The following RBM33 variants were observed in gnomAD, a reference collection of about 807,000 sequenced individuals.
RBM33 encodes RNA binding motif protein 33.
In RBM33, 28 loss-of-function variants were observed where a neutral mutation model predicts 132.6. That is an observed-to-expected ratio of 0.21 (90% CI 0.16 to 0.29). The LOEUF (loss-of-function observed/expected upper bound fraction) is 0.29. Among genes scored for constraint, RBM33 ranks in the 10% least tolerant of loss-of-function variants. The pLI is 1.00. For synonymous variants in RBM33, 634 were observed against 593.0 expected (o/e 1.07, Z -1.01); for missense variants, 1,291 against 1,518.5 (o/e 0.85, Z 2.49).
rs1686018150 is a variant in RBM33, at chr7:155,644,886, G to A, written c.10G>A (p.Ala4Thr). 5 of 1,493,942 alleles carry A rather than the reference G, an allele frequency of 3.3e-6. No individual in the cohort carries two copies. Among genetic ancestry groups the A allele is most frequent in the South Asian group, 2.5e-5 (2 of 80,170 alleles). 92.5% of individuals were successfully genotyped at this position (1,493,942 alleles called of 1,614,324 possible). The change falls in exon 1 of 18, where the codon GCC (alanine) becomes ACC (threonine). Residue 4 changes from alanine to threonine, a missense_variant. Ala to Thr is a moderately conservative substitution (Grantham distance 58). This residue lies in a region of RBM33 where 194 missense variants were observed against 249.8 expected (regional missense o/e 0.78). Coordinates refer to ENST00000401878, the MANE Select transcript of RBM33 (RefSeq NM_053043.3). ...GGGCCCCGCGAGTGCCATGGCGGCC[G>A]CCCTGGGAGCGAGCGGAGGAGCAGG... MAA[A>T]LGASGGAGAG...
At chr7:155,752,113 GCCA>G (rs1208019697) in intron 14 of RBM33, among the ~76,000 whole-genome samples, 1 of 152,172 alleles carries the variant, frequency 6.6e-6, no homozygotes, top group Middle Eastern at 3.2e-3. Flanking sequence ...TTGATTTGTT[GCCA>G]TTACTCTTGG....
Position 155,774,991 on chromosome 7 carries a change from A to G in RBM33, c.3465-2A>G. ...GTCGATCGTTTCTTTAAATTTTCAC[A>G]GGCATATGATAGATTTGTCCCACAT... On this transcript the variant is annotated splice_acceptor_variant, in intron 17 of 17. Coordinates refer to ENST00000401878, the MANE Select transcript of RBM33 (RefSeq NM_053043.3). LOFTEE classifies it high-confidence loss of function. This position sits in a 1 kb window ranked among gnomAD's most constrained non-coding sequence, Gnocchi z 4.2. The G allele has an allele frequency of 6.2e-7, 1 of 1,613,570 alleles. No individual in the cohort carries two copies. The highest frequency in any genetic ancestry group is 8.5e-7 in the Non-Finnish European group (1 of 1,179,560).
rs1802554287 is a variant in RBM33 at position 155,774,947 on chromosome 7, G to A, written c.3465-46G>A. The A allele has an allele frequency of 6.3e-7, 1 of 1,584,648 alleles. No homozygotes were observed. On this transcript the variant is annotated intron_variant, in intron 17 of 17. Transcript: ENST00000401878. The surrounding 1 kb of genome is among the most constrained non-coding windows in gnomAD (Gnocchi z 4.2). ...TTCCTCCCACCTTGGTAGGTTGATT[G>A]CCGATGTGCAGGGTTAGTGTCGATC...
At chr7:155,670,038 G>T (rs1563135710) in intron 2 of RBM33, among the ~76,000 whole-genome samples, 1 of 152,206 alleles carries the variant, frequency 6.6e-6, no homozygotes, top group Non-Finnish European at 1.5e-5. Context: ...ACTTACAGTG[G>T]TCAAGTTCAC....
chr7:155,707,059 T>C lies in RBM33; in HGVS notation c.939T>C (p.Pro313=), dbSNP rs746498941. ...GACCTGCGCTGCTTCCTACACAGCC[T>C]CCTGTCGTGGTAACTTCAGATTTTC... is the stretch of plus-strand genomic sequence containing the variant. ...DHRPALLPTQ[P]PVVPQAPPPP... Residue 313 remains proline (P), a synonymous_variant, in exon 7 of 18, where the codon CCT becomes CCC. Transcript: ENST00000401878. 3.9e-6 allele frequency: 6 copies of C among 1,544,736 alleles called. No homozygotes were observed. The South Asian group carries it at 7.2e-5, about 18-fold the overall frequency.
Position 155,738,272 on chromosome 7 carries a change from G to T in RBM33, c.1606G>T (p.Gly536Cys), listed in dbSNP as rs1486444904. The T allele has an allele frequency of 6.2e-7, 1 of 1,613,846 alleles. No individual in the cohort carries two copies. The highest frequency in any genetic ancestry group is 8.5e-7 in the Non-Finnish European group (1 of 1,179,894). Reference sequence around the variant, plus strand: ...CGTACGACCAGCCTTGCAGCCTCCAGGTCCGGTGGGGATTCTGCACTTTAG... The same window carrying T: ...CGTACGACCAGCCTTGCAGCCTCCATGTCCGGTGGGGATTCTGCACTTTAG... ...RPVRPALQPP[G>C]PVGILHFSQP... Residue 536 changes from glycine (G) to cysteine (C), a missense_variant, in exon 11 of 18, where the codon GGT (glycine) becomes TGT (cysteine). Gly to Cys is a radical substitution (Grantham distance 159, BLOSUM62 -3). Around this residue, in one of 7 missense-constraint regions of RBM33, gnomAD observed 841 missense variants for 912.0 expected, o/e 0.92. Coordinates refer to ENST00000401878, the MANE Select transcript of RBM33 (RefSeq NM_053043.3).
chr7:155,740,145 G>A (rs1801283108), intron 12 of RBM33, 119 bp downstream of exon 12: 4 of 1,336,498 alleles, frequency 3.0e-6, no homozygotes, highest in Non-Finnish European at 3.9e-6. Flanking sequence ...TTTATAAAAT[G>A]TGTAGTACAT....
At chr7:155,693,049 C>G (rs1157531425) in intron 5 of RBM33, among the ~76,000 whole-genome samples, 3 of 151,994 alleles carry the variant, frequency 2.0e-5, no homozygotes, top group African/African-American at 7.3e-5. Context: ...CCCCCTGTAA[C>G]TGCAAATCTA....
At chr7:155,727,266 C>T (rs1800820324) in intron 9 of RBM33, among the ~76,000 whole-genome samples, 1 of 152,134 alleles carries the variant, frequency 6.6e-6, no homozygotes, top group South Asian at 2.1e-4. Context: ...AGGGAGCTCC[C>T]CCCACCCATC....
intron 6 of RBM33, 115 bp downstream of exon 6, chr7:155,701,059 G>A (rs770756023): frequency 1.8e-5 from 16 of 881,770 alleles, no homozygotes; most frequent in South Asian, 8.6e-5. Flanking sequence ...TGCGGCTGCC[G>A]TCCGGAGAGT....
chr7:155,726,083 TGA>T (rs1196060090), intron 9 of RBM33, among the ~76,000 whole-genome samples: 7 of 152,218 alleles, frequency 4.6e-5, no homozygotes, highest in African/African-American at 1.7e-4. Flanking sequence ...CAGAATTAAC[TGA>T]GAGGTGTTCT....
At position 155,778,967 on chromosome 7, in the gene RBM33, CT is replaced by C. The variant is rs1439125609; in HGVS notation, c.*3927del. 6.6e-6 allele frequency: 1 copy of C among 152,472 alleles called. No homozygotes were observed. The highest frequency in any genetic ancestry group is 1.5e-5 in the Non-Finnish European group (1 of 68,100). The allele number at this position is 152,472 out of a possible 1,614,324, so 9.4% of individuals were successfully genotyped here. ...CTCTCTAGTCCCTGCGGCTGTTCCCCTCCTCTGCTCTCTCCCTGGAGAGGAC... is the reference window on the plus strand; with the variant it reads ...CTCTCTAGTCCCTGCGGCTGTTCCCCCCTCTGCTCTCTCCCTGGAGAGGAC... On this transcript the variant is annotated 3_prime_UTR_variant, in exon 18 of 18. Coordinates refer to ENST00000401878, the MANE Select transcript of RBM33 (RefSeq NM_053043.3). The surrounding 1 kb of genome is among the most constrained non-coding windows in gnomAD (Gnocchi z 4.0).
Position 155,700,958 on chromosome 7 carries a change from C to T in RBM33, c.739+14C>T, listed in dbSNP as rs572668009. On this transcript the variant is annotated intron_variant, in intron 6 of 17. Transcript: ENST00000401878. ...CAGAAACTTTGGGTAACTTTTTTGCCTGTCTCCCATCCTCCTTTACTCTCA... is the reference window on the plus strand; with the variant it reads ...CAGAAACTTTGGGTAACTTTTTTGCTTGTCTCCCATCCTCCTTTACTCTCA... The T allele has an allele frequency of 3.1e-5, 49 of 1,597,570 alleles. No homozygotes were observed. The East Asian group carries it at 1.0e-3, about 34-fold the overall frequency.
At chr7:155,722,006 A>G (rs1342037526) in intron 9 of RBM33, among the ~76,000 whole-genome samples, 2 of 152,180 alleles carry the variant, frequency 1.3e-5, no homozygotes, top group Non-Finnish European at 2.9e-5. Context: ...GTCCTTCCCT[A>G]GTCCCTCATT....
At chr7:155,746,832 A>G (rs1801532484) in intron 14 of RBM33, among the ~76,000 whole-genome samples, 1 of 152,252 alleles carries the variant, frequency 6.6e-6, no homozygotes, top group Non-Finnish European at 1.5e-5. Context: ...AGAGTAAACC[A>G]GCTAGCAACG....
At chr7:155,721,821 A>T (rs1376624711) in intron 9 of RBM33, among the ~76,000 whole-genome samples, 1 of 152,192 alleles carries the variant, frequency 6.6e-6, no homozygotes, top group African/African-American at 2.4e-5. Context: ...TTGTAGTTAG[A>T]CTAATATTTT....
chr7:155,669,312 T>C (rs911061007), intron 2 of RBM33, among the ~76,000 whole-genome samples: 4 of 152,194 alleles, frequency 2.6e-5, no homozygotes, highest in African/African-American at 7.2e-5. Context: ...AAGATATGAA[T>C]GTCTCATGTG....
At chr7:155,645,615 ATC>A (rs1403028014) in intron 1 of RBM33, among the ~76,000 whole-genome samples, 4 of 152,224 alleles carry the variant, frequency 2.6e-5, no homozygotes, top group Admixed American at 6.5e-5. Flanking sequence ...TGAAACACCT[ATC>A]TCTAAAAAAT....
At chr7:155,710,120 G>A (rs1800238893) in intron 7 of RBM33, among the ~76,000 whole-genome samples, 1 of 152,102 alleles carries the variant, frequency 6.6e-6, no homozygotes, top group African/African-American at 2.4e-5. Context: ...CATAGTAATG[G>A]ATCATTTACT....
Sources: gnomAD v4.1 joint callset for allele counts (sites outside exome capture counted in the v4.1 genomes callset) on GRCh38, gnomAD v4.1.1 for gene constraint, gnomAD v4.1.1 regional missense constraint, Gnocchi (gnomAD v3.1) non-coding constraint, MANE v1.5 for transcripts, NCBI Gene and HGNC (gene_info 2026-07-23, HGNC 2026-07-21) for gene names.